Variants in DOK6 observed in about 807,000 individuals in gnomAD.
DOK6 encodes the protein downstream of tyrosine kinase 6.
DOK6 carries 22 observed loss-of-function variants against 44.0 expected under a neutral mutation model. That is an observed-to-expected ratio of 0.50 (90% confidence interval 0.36 to 0.71). DOK6 has a LOEUF of 0.71. DOK6 is among the 30% of genes least tolerant of loss of function. The pLI is 0.00. For synonymous variants in DOK6, 166 were observed against 145.5 expected, an observed-to-expected ratio of 1.14 and a Z score of -1.01; for missense variants, 340 against 416.4, an observed-to-expected ratio of 0.82 and a Z score of 1.60.
In DOK6 at chr18:69,631,821, A is replaced by T. The variant is rs141121223; in HGVS notation, c.289+32323A>T. Among the ~76,000 whole-genome samples the T allele has an allele frequency of 1.2e-3, 180 of 152,300 alleles. 1 individual carries two copies. Among genetic ancestry groups the T allele is most frequent in the African/African-American group, 4.2e-3 (174 of 41,576 alleles). On this transcript the variant is annotated intron_variant, in intron 3 of 7. Transcript: ENST00000382713. ...CAAAGTGTCCGAAAATCCAAGCGCTATCCTCTAGATTTCACAAACCTGTTT... is the reference window on the plus strand; with the variant it reads ...CAAAGTGTCCGAAAATCCAAGCGCTTTCCTCTAGATTTCACAAACCTGTTT...
chr18:69,494,180 A>G (rs12458725), intron 1 of DOK6, among the ~76,000 whole-genome samples: 68,744 of 152,082 alleles, frequency 0.45, 15,974 homozygotes, highest in African/African-American at 0.49. Context: ...AAGATTTTTA[A>G]AGAAGATTTG....
At chr18:69,583,259 T>G (rs1360625072) in intron 2 of DOK6, among the ~76,000 whole-genome samples, 3 of 152,210 alleles carry the variant, frequency 2.0e-5, no homozygotes, top group African/African-American at 7.2e-5. Flanking sequence ...AAAGTCATGG[T>G]CAACAGTGTT....
Position 69,591,455 on chromosome 18 carries a change from C to T in DOK6, c.175-7929C>T, listed in dbSNP as rs571057728. On this transcript the variant is annotated intron_variant, in intron 2 of 7. Coordinates refer to ENST00000382713, the MANE Select transcript of DOK6 (RefSeq NM_152721.6). ...CAAAAATGAACTAAGGGAGTCTTAT[C>T]AAGGAAAACAACTGAGTGCTTACTG... is the stretch of plus-strand genomic sequence containing the variant. Among the ~76,000 whole-genome samples, 5 of 152,174 alleles carry T rather than the reference C, an allele frequency of 3.3e-5. No individual in the cohort carries two copies. In the East Asian group the frequency reaches 7.7e-4, roughly 23 times the overall value.
At chr18:69,713,507 AT>A (rs1182437573) in intron 5 of DOK6, among the ~76,000 whole-genome samples, 15 of 152,164 alleles carry the variant, frequency 9.9e-5, no homozygotes. Flanking sequence ...TACAGGCAGA[AT>A]TTGCTGAGAT....
chr18:69,509,387 C>T (rs1193019119), intron 1 of DOK6, among the ~76,000 whole-genome samples: 1 of 152,118 alleles, frequency 6.6e-6, no homozygotes, highest in Non-Finnish European at 1.5e-5. Context: ...CCTGTAATCC[C>T]AGCACTTTGG....
At chr18:69,493,199 T>C (rs1980788453) in intron 1 of DOK6, among the ~76,000 whole-genome samples, 1 of 152,186 alleles carries the variant, frequency 6.6e-6, no homozygotes, top group Non-Finnish European at 1.5e-5. Context: ...TAAAAGATTA[T>C]AAAATATTTT....
chr18:69,744,085 T>G (rs7244726), intron 6 of DOK6, among the ~76,000 whole-genome samples: 1 of 151,876 alleles, frequency 6.6e-6, no homozygotes, highest in Non-Finnish European at 1.5e-5. Context: ...CCAAGGCAGG[T>G]GGATCACCTG....
At chr18:69,661,964 AG>A (rs1985538724) in intron 3 of DOK6, 1 of 152,180 alleles carries the variant, frequency 6.6e-6, no homozygotes, top group Admixed American at 6.6e-5. Context: ...AGTAATCAGA[AG>A]GGGTTACTAA....
intron 1 of DOK6, among the ~76,000 whole-genome samples, chr18:69,554,811 T>C (rs1408918737): frequency 6.6e-6 from 1 of 152,154 alleles, no homozygotes; most frequent in Non-Finnish European, 1.5e-5. Context: ...GTATTTTTAT[T>C]TTTTTCTCCA....
intron 3 of DOK6, among the ~76,000 whole-genome samples, chr18:69,624,939 G>A (rs1984523172): frequency 6.6e-6 from 1 of 151,922 alleles, no homozygotes; most frequent in South Asian, 2.1e-4. Flanking sequence ...TAAAGTTCCT[G>A]TACATCCCAC....
chr18:69,683,942 G>C lies in DOK6; in HGVS notation c.409+6089G>C, dbSNP rs1030507175. ...ACCTAACATGTATTCATATCCTGTG[G>C]GACTTGTGTTCCACGAAACACATAT... On this transcript the variant is annotated intron_variant, in intron 4 of 7. Coordinates refer to ENST00000382713, the MANE Select transcript of DOK6 (RefSeq NM_152721.6). Among the ~76,000 whole-genome samples, 18 of 152,164 alleles carry C rather than the reference G, an allele frequency of 1.2e-4. No individual in the cohort carries two copies. In the East Asian group the frequency reaches 3.5e-3, roughly 29 times the overall value.
intron 7 of DOK6, among the ~76,000 whole-genome samples, chr18:69,783,663 T>A (rs948699463): frequency 1.4e-4 from 21 of 152,160 alleles, no homozygotes; most frequent in African/African-American, 5.1e-4. Flanking sequence ...GGATTTGTAT[T>A]TTTAATTATT....
At chr18:69,498,754 G>A (rs1050998305) in intron 1 of DOK6, among the ~76,000 whole-genome samples, 43 of 152,234 alleles carry the variant, frequency 2.8e-4, no homozygotes, top group African/African-American at 1.0e-3. Context: ...AATTCTTCCA[G>A]GCATGGAACA....
intron 7 of DOK6, among the ~76,000 whole-genome samples, chr18:69,760,435 A>T (rs1979510223): frequency 6.6e-6 from 1 of 152,116 alleles, no homozygotes; most frequent in African/African-American, 2.4e-5. Context: ...AGAGTTTATT[A>T]AAAAGCTTTA....
chr18:69,828,057 T>C (rs1228324674), intron 7 of DOK6, among the ~76,000 whole-genome samples: 1 of 151,940 alleles, frequency 6.6e-6, no homozygotes, highest in Non-Finnish European at 1.5e-5. Context: ...CCGGGAATAC[T>C]GTACTTCATC....
chr18:69,671,158 G>A (rs979428827), intron 3 of DOK6, among the ~76,000 whole-genome samples: 1 of 152,178 alleles, frequency 6.6e-6, no homozygotes, highest in Admixed American at 6.5e-5. Flanking sequence ...AGGCAAAAAA[G>A]CAGCACATTT....
chr18:69,718,865 T>G (rs1001963363), intron 5 of DOK6, among the ~76,000 whole-genome samples: 1 of 151,990 alleles, frequency 6.6e-6, no homozygotes, highest in Non-Finnish European at 1.5e-5. Flanking sequence ...ACCATGCAAA[T>G]TAATATATGA....
At chr18:69,730,706 T>C (rs575155636) in intron 5 of DOK6, among the ~76,000 whole-genome samples, 3 of 152,380 alleles carry the variant, frequency 2.0e-5, no homozygotes, top group South Asian at 2.1e-4. Context: ...TTTGAAATTA[T>C]AGAACATCTA....
At chr18:69,602,113 C>T (rs913920132) in intron 3 of DOK6, among the ~76,000 whole-genome samples, 1 of 152,040 alleles carries the variant, frequency 6.6e-6, no homozygotes, top group African/African-American at 2.4e-5. Flanking sequence ...ACTCCCTGTG[C>T]CTTAAGTGGG....
Sources: gnomAD v4.1 joint callset for allele counts (sites outside exome capture counted in the v4.1 genomes callset) on GRCh38, gnomAD v4.1.1 for gene constraint, MANE v1.5 for transcripts, NCBI Gene and HGNC (gene_info 2026-07-23, HGNC 2026-07-21) for gene names.